FSTL5: variants seen among roughly 807,000 people sequenced by gnomAD.
FSTL5 encodes the protein follistatin-related protein 5.
FSTL5 carries 62 observed loss-of-function variants against 89.1 expected under a neutral mutation model. That is an observed-to-expected ratio of 0.70 (90% CI 0.57 to 0.86). The LOEUF (loss-of-function observed/expected upper bound fraction) is 0.86, where lower values mean the gene tolerates loss of function less well. Among genes scored for constraint, FSTL5 ranks in the 40% least tolerant of loss-of-function variants. The pLI is 0.00. For missense variants in FSTL5, 1,057 were observed against 1,001.6 expected (o/e 1.06, Z -0.75); for synonymous variants, 383 against 346.2 (o/e 1.11, Z -1.18).
Position 161,850,186 on chromosome 4 carries a change from CTT to C in FSTL5, c.409+70216_409+70217del, listed in dbSNP as rs1731503797. ...CACAGAGTTAAAAAGTAGACTATAA[CTT>C]AGGGAAAGGATGCTATGGTTTAGAG... On this transcript the variant is annotated intron_variant, in intron 4 of 15. Coordinates refer to ENST00000306100, the MANE Select transcript of FSTL5 (RefSeq NM_020116.5). 2.0e-5 allele frequency among the ~76,000 whole-genome samples: 3 copies of C among 152,008 alleles called. No homozygotes were observed. In the South Asian group the frequency reaches 6.2e-4, roughly 32 times the overall value.
At chr4:161,539,368 G>C (rs746678277) in intron 9 of FSTL5, among the ~76,000 whole-genome samples, 1 of 152,074 alleles carries the variant, frequency 6.6e-6, no homozygotes, top group South Asian at 2.1e-4. Context: ...GATTGCCATC[G>C]CTAGGAGCCA....
chr4:161,451,884 G>A (rs1733177716), intron 15 of FSTL5, among the ~76,000 whole-genome samples: 1 of 152,106 alleles, frequency 6.6e-6, no homozygotes, highest in Admixed American at 6.5e-5. Context: ...AGTGTCCAGT[G>A]GTTTTTAGGC....
At chr4:161,634,413 A>G (rs1735617980) in intron 7 of FSTL5, among the ~76,000 whole-genome samples, 1 of 152,236 alleles carries the variant, frequency 6.6e-6, no homozygotes, top group Non-Finnish European at 1.5e-5. Flanking sequence ...AAGTGAAATC[A>G]GTATCTTGAC....
At chr4:161,786,795 T>C (rs1024699706) in intron 4 of FSTL5, among the ~76,000 whole-genome samples, 3 of 152,116 alleles carry the variant, frequency 2.0e-5, no homozygotes, top group Non-Finnish European at 2.9e-5. Context: ...ACACCTCCTA[T>C]ACAAATACTA....
intron 4 of FSTL5, among the ~76,000 whole-genome samples, chr4:161,777,905 C>A (rs970964389): frequency 6.6e-6 from 1 of 152,044 alleles, no homozygotes; most frequent in Non-Finnish European, 1.5e-5. Flanking sequence ...GCCAGCCTGG[C>A]CAACATGGTG....
rs772286168 is a variant in FSTL5 at position 161,542,643 on chromosome 4, C to A, written c.1066G>T (p.Val356Leu). ...GCATGGCACCTAAGACTGGCAGTTA[C>A]CCCAGGCTCTCTAGCCTGACTCTCT... ...YPESQAREPG[V>L]TASLRCHAEG... Residue 356 changes from valine to leucine, a missense_variant, in exon 9 of 16, where the codon GTA (valine) becomes TTA (leucine). Around this residue, in one of 3 missense-constraint regions of FSTL5, gnomAD observed 980 missense variants for 903.2 expected, o/e 1.08. Coordinates refer to ENST00000306100, the MANE Select transcript of FSTL5 (RefSeq NM_020116.5). The A allele has an allele frequency of 2.6e-6, 4 of 1,556,372 alleles. No homozygotes were observed. In the South Asian group the frequency reaches 3.6e-5, roughly 14 times the overall value.
At chr4:161,619,414 T>C (rs1387400976) in intron 7 of FSTL5, among the ~76,000 whole-genome samples, 9 of 152,074 alleles carry the variant, frequency 5.9e-5, no homozygotes, top group Non-Finnish European at 1.3e-4. Flanking sequence ...ACCTACAAAA[T>C]GGGAGATAAT....
At chr4:161,735,245 G>A (rs1320199784) in intron 6 of FSTL5, among the ~76,000 whole-genome samples, 1 of 152,148 alleles carries the variant, frequency 6.6e-6, no homozygotes, top group Non-Finnish European at 1.5e-5. Flanking sequence ...CATAGGGTGA[G>A]GTATGGGGAA....
rs143037709 is a variant in FSTL5 at position 162,147,808 on chromosome 4, C to T, written c.-17+15807G>A. Among the ~76,000 whole-genome samples the T allele has an allele frequency of 2.4e-4, 37 of 151,998 alleles. No individual in the cohort carries two copies. The East Asian group carries it at 4.1e-3, about 17-fold the overall frequency. On this transcript the variant is annotated intron_variant, in intron 1 of 15. Coordinates refer to ENST00000306100, the MANE Select transcript of FSTL5 (RefSeq NM_020116.5). Reference sequence around the variant, plus strand: ...TGGGTGGATCAAGAGGTCAGGAGTTCGAGACCAGACGTTGGTGAAACCCCA... The same window carrying T: ...TGGGTGGATCAAGAGGTCAGGAGTTTGAGACCAGACGTTGGTGAAACCCCA...
intron 6 of FSTL5, among the ~76,000 whole-genome samples, chr4:161,695,424 C>CGTGTGTGT (rs151205054): frequency 0.2 from 27,272 of 134,064 alleles, 3,217 homozygotes; most frequent in African/African-American, 0.32. Flanking sequence ...CCATGGTGTA[C>CGTGTGTGT]GTGTGTGTGT....
chr4:161,682,432 T>C (rs769419221), intron 6 of FSTL5, among the ~76,000 whole-genome samples: 2 of 152,182 alleles, frequency 1.3e-5, no homozygotes, highest in Non-Finnish European at 2.9e-5. Flanking sequence ...GACAAACACA[T>C]TGTACAGCTG....
At chr4:161,989,512 T>C (rs77304614) in intron 3 of FSTL5, among the ~76,000 whole-genome samples, 8,376 of 152,232 alleles carry the variant, frequency 0.055, 267 homozygotes, top group Non-Finnish European at 0.077. Context: ...GGAATCAAAC[T>C]TAAATAAAAA....
At chr4:161,602,467 T>A (rs985199947) in intron 7 of FSTL5, among the ~76,000 whole-genome samples, 7 of 151,994 alleles carry the variant, frequency 4.6e-5, no homozygotes, top group African/African-American at 1.7e-4. Flanking sequence ...AATATCAGTC[T>A]AAAATACGTA....
intron 4 of FSTL5, among the ~76,000 whole-genome samples, chr4:161,865,676 C>G (rs997883307): frequency 2.6e-5 from 4 of 151,984 alleles, no homozygotes; most frequent in African/African-American, 9.7e-5. Context: ...TCTTAAAAGC[C>G]TTCTGCCTTG....
intron 3 of FSTL5, among the ~76,000 whole-genome samples, chr4:162,011,556 C>A (rs1014596512): frequency 2.6e-5 from 4 of 151,698 alleles, no homozygotes; most frequent in African/African-American, 4.8e-5. Context: ...TGCAGTGGTG[C>A]GATTTTGGCT....
rs73862349 is a variant in FSTL5 at position 161,628,364 on chromosome 4, G to A, written c.894+27964C>T. ...AGAAAAAATTGAAATTAAAGTATCAGTGGGGTCCTGATTAGTCTAAAGGTC... is the reference window on the plus strand; with the variant it reads ...AGAAAAAATTGAAATTAAAGTATCAATGGGGTCCTGATTAGTCTAAAGGTC... On this transcript the variant is annotated intron_variant, in intron 7 of 15. Transcript: ENST00000306100. 6.0e-3 allele frequency among the ~76,000 whole-genome samples: 916 copies of A among 152,196 alleles called. 7 individuals carry two copies. The highest frequency in any genetic ancestry group is 0.021 in the African/African-American group (872 of 41,528).
intron 7 of FSTL5, among the ~76,000 whole-genome samples, chr4:161,604,668 T>G (rs1164532798): frequency 2.6e-5 from 4 of 152,274 alleles, no homozygotes; most frequent in Middle Eastern, 3.4e-3. Flanking sequence ...AGGACATTTT[T>G]AATGGGAGAT....
At chr4:161,915,840 C>T (rs1454177055) in intron 4 of FSTL5, among the ~76,000 whole-genome samples, 1 of 152,028 alleles carries the variant, frequency 6.6e-6, no homozygotes, top group East Asian at 1.9e-4. Flanking sequence ...ATTCAGGCTG[C>T]TATTTTTGTT....
chr4:161,780,630 C>A (rs540022701), intron 4 of FSTL5, among the ~76,000 whole-genome samples: 4 of 152,152 alleles, frequency 2.6e-5, no homozygotes, highest in Non-Finnish European at 5.9e-5. Context: ...CAGGGAAAAT[C>A]CATCTGGCCT....
Sources: gnomAD v4.1 joint callset for allele counts (sites outside exome capture counted in the v4.1 genomes callset) on GRCh38, gnomAD v4.1.1 for gene constraint, gnomAD v4.1.1 regional missense constraint, MANE v1.5 for transcripts, NCBI Gene and HGNC (gene_info 2026-07-23, HGNC 2026-07-21) for gene names.